The following SLC25A20 variants were observed in gnomAD, a reference collection of about 807,000 sequenced individuals.
SLC25A20 encodes solute carrier family 25 member 20, also known as mitochondrial carnitine/acylcarnitine carrier protein.
In SLC25A20, 29 loss-of-function variants were observed where a neutral mutation model predicts 39.7. The ratio of observed to expected loss-of-function variants is 0.73; its 90% confidence interval spans 0.54 to 1.00. The LOEUF (loss-of-function observed/expected upper bound fraction) is 1.00. SLC25A20 is among the 50% of genes least tolerant of loss of function. The probability of loss-of-function intolerance (pLI) is 0.00; values close to 1 mark genes in which losing one functional copy is unlikely to be tolerated. For missense variants in SLC25A20, 333 were observed against 379.9 expected (o/e 0.88, Z 1.03); for synonymous variants, 103 against 142.2 (o/e 0.72, Z 1.96).
chr3:48,858,811 A>G (rs2106637557), intron 7 of SLC25A20, 180 bp from the exon 8 acceptor site: 2 of 780,936 alleles, frequency 2.6e-6, no homozygotes, highest in East Asian at 5.3e-5. Flanking sequence ...TGCCAAGGGA[A>G]TAGAAACGAG....
chr3:48,884,799 A>C (rs1309749013), intron 2 of SLC25A20, among the ~76,000 whole-genome samples: 2 of 152,040 alleles, frequency 1.3e-5, no homozygotes, highest in African/African-American at 2.4e-5. Context: ...GGGGAAAAAA[A>C]CAAAAGCTGC....
In SLC25A20 at chr3:48,859,751, C is replaced by T. The variant is rs2083609833; in HGVS notation, c.536-124G>A. 16 of 757,186 alleles carry T rather than the reference C, an allele frequency of 2.1e-5. No homozygotes were observed. The South Asian group carries it at 2.3e-4, about 11-fold the overall frequency. 46.9% of individuals were successfully genotyped at this position (757,186 alleles called of 1,614,324 possible). A position where few individuals can be genotyped will look rare whatever the true frequency, so the allele number is the denominator to read the frequency against. On this transcript the variant is annotated intron_variant, in intron 5 of 8. Coordinates refer to ENST00000319017, the MANE Select transcript of SLC25A20 (RefSeq NM_000387.6). ...GGGGGATTGCTTGAGGCCAGGAGGT[C>T]CGCGCTTGGCCTGAATTATTAGTAA...
chr3:48,872,138 A>AT (rs940506945), intron 4 of SLC25A20, among the ~76,000 whole-genome samples: 50 of 139,020 alleles, frequency 3.6e-4, no homozygotes, highest in East Asian at 6.4e-4. Context: ...CTGCCCAATG[A>AT]TTTTTTTTTT....
At chr3:48,898,572 T>C in intron 1 of SLC25A20, 118 bp downstream of exon 1, 2 of 955,742 alleles carry the variant, frequency 2.1e-6, no homozygotes, top group Non-Finnish European at 3.3e-6. Context: ...TCCCTAGACT[T>C]CTCACGGAAG....
chr3:48,878,305 T>G (rs1031132893), intron 4 of SLC25A20, among the ~76,000 whole-genome samples: 1 of 146,890 alleles, frequency 6.8e-6, no homozygotes, highest in Non-Finnish European at 1.5e-5. Context: ...TATATGTATA[T>G]ATATAAATTG....
At chr3:48,873,049 C>T (rs1327250879) in intron 4 of SLC25A20, among the ~76,000 whole-genome samples, 2 of 151,658 alleles carry the variant, frequency 1.3e-5, no homozygotes, top group African/African-American at 4.9e-5. Context: ...CATGGTAAAA[C>T]CCTGTCTCTA....
rs957471249 is a variant in SLC25A20, at chr3:48,859,579, T to C, written c.584A>G (p.Asn195Ser). 6.2e-7 allele frequency: 1 copy of C among 1,613,830 alleles called. No individual in the cohort carries two copies. The highest frequency in any genetic ancestry group is 1.7e-5 in the Admixed American group (1 of 59,992). The change falls in exon 6 of 9, where the codon AAT (asparagine) becomes AGT (serine). Residue 195 changes from asparagine (N) to serine (S), a missense_variant. Transcript: ENST00000319017. Reference protein sequence around the residue: ...MYFMTYEWLKNIFTPEGKRVS... With the variant: ...MYFMTYEWLKSIFTPEGKRVS... ...CCTCTTTCCCTCCGGAGTGAAGATA[T>C]TTTTCAGCCATTCATATGTCATGAA...
intron 4 of SLC25A20, among the ~76,000 whole-genome samples, chr3:48,866,124 C>G (rs1252283436): frequency 6.7e-6 from 1 of 149,676 alleles, no homozygotes; most frequent in African/African-American, 2.5e-5. Flanking sequence ...CAGAGCGAGA[C>G]TCTGTCTCAA....
chr3:48,857,499 A>G lies in SLC25A20; in HGVS notation c.*211T>C, dbSNP rs1321823892. On this transcript the variant is annotated 3_prime_UTR_variant, in exon 9 of 9. Transcript: ENST00000319017. ...AATCCTTTTAAGATCCCTTAAATTG[A>G]TAAGAATGAATTCAAGTTTCAAAAT... 1.2e-5 allele frequency: 7 copies of G among 589,420 alleles called. No individual in the cohort carries two copies. Among genetic ancestry groups the G allele is most frequent in the South Asian group, 4.0e-5 (2 of 50,490 alleles). 36.5% of individuals were successfully genotyped at this position (589,420 alleles called of 1,614,324 possible).
intron 1 of SLC25A20, among the ~76,000 whole-genome samples, chr3:48,892,325 T>A (rs1378427437): frequency 6.6e-6 from 1 of 152,200 alleles, no homozygotes; most frequent in Non-Finnish European, 1.5e-5. Flanking sequence ...TCATAGACAT[T>A]TGTGTTTTTC....
intron 2 of SLC25A20, among the ~76,000 whole-genome samples, chr3:48,885,535 G>C (rs2083823813): frequency 6.6e-6 from 1 of 152,168 alleles, no homozygotes; most frequent in Non-Finnish European, 1.5e-5. Flanking sequence ...GCTGGGTGCA[G>C]TAGCTCATGC....
intron 1 of SLC25A20, among the ~76,000 whole-genome samples, chr3:48,895,504 A>G (rs891311461): frequency 9.2e-5 from 14 of 152,188 alleles, no homozygotes; most frequent in Non-Finnish European, 1.5e-5. Context: ...CTATTATACT[A>G]ACCTTTCCAA....
chr3:48,862,305 C>T (rs866878521), intron 5 of SLC25A20, among the ~76,000 whole-genome samples: 2 of 152,206 alleles, frequency 1.3e-5, no homozygotes, highest in Non-Finnish European at 2.9e-5. Context: ...ACTTGCCACT[C>T]CCCTCCAACT....
chr3:48,893,772 T>C (rs1479302642), intron 1 of SLC25A20, among the ~76,000 whole-genome samples: 8 of 147,612 alleles, frequency 5.4e-5, no homozygotes, highest in Non-Finnish European at 1.2e-4. Flanking sequence ...TCATACAATC[T>C]GCCTGCCTTA....
At chr3:48,879,587 A>C in intron 3 of SLC25A20, 139 bp from the exon 4 acceptor site, 1 of 709,514 alleles carries the variant, frequency 1.4e-6, no homozygotes, top group Non-Finnish European at 2.6e-6. Flanking sequence ...CAAATGAATC[A>C]GATTTCGCAC....
chr3:48,857,507 G>C lies in SLC25A20; in HGVS notation c.*203C>G. 1.7e-6 allele frequency: 1 copy of C among 599,274 alleles called. No individual in the cohort carries two copies. The highest frequency in any genetic ancestry group is 4.6e-4 in the Middle Eastern group (1 of 2,184). 37.1% of individuals were successfully genotyped at this position (599,274 alleles called of 1,614,324 possible). On this transcript the variant is annotated 3_prime_UTR_variant, in exon 9 of 9. Coordinates refer to ENST00000319017, the MANE Select transcript of SLC25A20 (RefSeq NM_000387.6). Reference sequence around the variant, plus strand: ...TAAGATCCCTTAAATTGATAAGAATGAATTCAAGTTTCAAAATGACACACT... The same window carrying C: ...TAAGATCCCTTAAATTGATAAGAATCAATTCAAGTTTCAAAATGACACACT...
intron 4 of SLC25A20, among the ~76,000 whole-genome samples, chr3:48,867,411 A>ATTTTTTTTTTTT (rs58122933): frequency 3.7e-5 from 4 of 108,388 alleles, no homozygotes; most frequent in East Asian, 3.0e-4. Flanking sequence ...TGCCTGGGTA[A>ATTTTTTTTTTTT]TTTTTTTTTT....
chr3:48,884,035 C>G lies in SLC25A20; in HGVS notation c.288G>C (p.Gly96=). The G allele has an allele frequency of 6.2e-7, 1 of 1,613,946 alleles. No individual in the cohort carries two copies. Among genetic ancestry groups the G allele is most frequent in the South Asian group, 1.1e-5 (1 of 91,080 alleles). Residue 96 remains glycine, a synonymous_variant, in exon 3 of 9, where the codon GGG becomes GGC. Coordinates refer to ENST00000319017, the MANE Select transcript of SLC25A20 (RefSeq NM_000387.6). ...CTGGGTGTTTCTGTTGTAGTTTCTT[C>G]CCCAAACCAAACCCAAAGAAGCACA... ...FAVCFFGFGL[G]KKLQQKHPED... is the part of the protein sequence containing the mutation.
chr3:48,884,774 AG>A (rs1360352963), intron 2 of SLC25A20, among the ~76,000 whole-genome samples: 2 of 152,086 alleles, frequency 1.3e-5, no homozygotes, highest in East Asian at 3.9e-4. Context: ...GGCACTTATA[AG>A]GTACCAAAAT....
Sources: gnomAD v4.1 joint callset for allele counts (sites outside exome capture counted in the v4.1 genomes callset) on GRCh38, gnomAD v4.1.1 for gene constraint, MANE v1.5 for transcripts, NCBI Gene and HGNC (gene_info 2026-07-23, HGNC 2026-07-21) for gene names.